Variants in LMTK2 observed in about 807,000 individuals in gnomAD.
LMTK2 encodes lemur tail kinase 2.
LMTK2 carries 37 observed loss-of-function variants against 127.5 expected under a neutral mutation model. The observed-to-expected ratio is 0.29, with a 90% CI of 0.22 to 0.38. LMTK2 has a LOEUF of 0.38. LMTK2 is among the 10% of genes least tolerant of loss of function. The pLI is 1.00. For synonymous variants in LMTK2, 819 were observed against 810.1 expected, an observed-to-expected ratio of 1.01 and a Z score of -0.19; for missense variants, 1,694 against 1,920.3, an observed-to-expected ratio of 0.88 and a Z score of 2.20.
intron 4 of LMTK2, 40 bp downstream of exon 4, chr7:98,151,495 A>T: frequency 1.4e-6 from 2 of 1,459,520 alleles, no homozygotes; most frequent in South Asian, 2.3e-5. Context: ...CCTCTGAATG[A>T]TACTGTGTTC....
In LMTK2 at chr7:98,193,373, T is replaced by G; in HGVS notation, c.2908T>G (p.Ser970Ala). Reference protein sequence around the residue: ...KEAGLVSALSSDSTSQDSLLE... With the variant: ...KEAGLVSALSADSTSQDSLLE... Reference sequence around the variant, plus strand: ...AGCAGGCTTGGTGTCTGCCCTCTCCTCGGACTCAACCAGTCAGGACAGCCT... The same window carrying G: ...AGCAGGCTTGGTGTCTGCCCTCTCCGCGGACTCAACCAGTCAGGACAGCCT... The change falls in exon 11 of 14, where the codon TCG becomes GCG. Residue 970 changes from serine (S) to alanine (A), a missense_variant. This residue lies in a region of LMTK2 where 527 missense variants were observed against 539.8 expected (regional missense o/e 0.98). Transcript: ENST00000297293. This position sits in a 1 kb window ranked among gnomAD's most constrained non-coding sequence, Gnocchi z 4.1. 1 of 1,614,130 alleles carries G rather than the reference T, an allele frequency of 6.2e-7. No individual in the cohort carries two copies. The highest frequency in any genetic ancestry group is 8.5e-7 in the Non-Finnish European group (1 of 1,180,014).
intron 9 of LMTK2, among the ~76,000 whole-genome samples, chr7:98,190,269 G>A (rs1383064579): frequency 6.6e-6 from 1 of 152,124 alleles, no homozygotes; most frequent in Non-Finnish European, 1.5e-5. Context: ...TTGTGCTGTT[G>A]ATTATTGGTT....
chr7:98,132,087 G>A (rs1488772054), intron 1 of LMTK2, among the ~76,000 whole-genome samples: 4 of 152,126 alleles, frequency 2.6e-5, no homozygotes, highest in Admixed American at 6.5e-5. Context: ...GGAGCAAACC[G>A]CTTTAGAGGC....
intron 1 of LMTK2, among the ~76,000 whole-genome samples, chr7:98,119,640 T>G: frequency 6.6e-6 from 1 of 152,222 alleles, no homozygotes; most frequent in East Asian, 1.9e-4. Context: ...GCTGGTACCG[T>G]GAGCTGAGAA....
At chr7:98,111,564 C>G (rs542966842) in intron 1 of LMTK2, among the ~76,000 whole-genome samples, 1 of 152,246 alleles carries the variant, frequency 6.6e-6, no homozygotes, top group East Asian at 1.9e-4. Context: ...GTTACTCGAC[C>G]TCTGGGCTTA....
rs749413105 is a variant in LMTK2 at position 98,192,667 on chromosome 7, C to G, written c.2202C>G (p.Gly734=). 37 of 1,610,414 alleles carry G rather than the reference C, an allele frequency of 2.3e-5. No individual in the cohort carries two copies. The highest frequency in any genetic ancestry group is 1.6e-4 in the Middle Eastern group (1 of 6,062). The change falls in exon 11 of 14, where the codon GGC becomes GGG. Residue 734 remains glycine, a synonymous_variant. Transcript: ENST00000297293. ...TTCAAGAGAAAAACTTACTAAAAGG[C>G]TCATTGTCCAGCAAAGAACACATAA... is the stretch of plus-strand genomic sequence containing the variant. ...LFLQEKNLLK[G]SLSSKEHIND... is the part of the protein sequence containing the mutation.
intron 3 of LMTK2, among the ~76,000 whole-genome samples, chr7:98,143,620 G>A (rs889416420): frequency 3.3e-5 from 5 of 152,204 alleles, no homozygotes; most frequent in Non-Finnish European, 7.3e-5. Flanking sequence ...AATGACACCA[G>A]GTAGTGATTG....
chr7:98,148,507 A>T (rs1205193819), intron 3 of LMTK2, among the ~76,000 whole-genome samples: 6 of 141,524 alleles, frequency 4.2e-5, no homozygotes, highest in South Asian at 4.4e-4. Flanking sequence ...AAAAAAAAAA[A>T]TAATAATAAT....
intron 3 of LMTK2, among the ~76,000 whole-genome samples, chr7:98,147,874 C>T (rs971192727): frequency 3.3e-5 from 5 of 152,084 alleles, no homozygotes; most frequent in African/African-American, 1.2e-4. Context: ...GTTCTTTGTC[C>T]ATCATTTCCT....
rs1797541442 is a variant in LMTK2 at position 98,192,322 on chromosome 7, A to C, written c.1857A>C (p.Pro619=). The C allele has an allele frequency of 6.4e-7, 1 of 1,558,914 alleles. No homozygotes were observed. The highest frequency in any genetic ancestry group is 8.6e-7 in the Non-Finnish European group (1 of 1,158,552). Residue 619 remains proline, a synonymous_variant, in exon 11 of 14, where the codon CCA becomes CCC. Transcript: ENST00000297293. ...CAGACCCCAAAGACTCTAGCTTACC[A>C]GGGGACTTACACGTGACCAGTGGCC... ...SSTDPKDSSL[P]GDLHVTSGPE... is the part of the protein sequence containing the mutation.
chr7:98,108,399 A>G (rs1796149257), intron 1 of LMTK2, among the ~76,000 whole-genome samples: 1 of 152,170 alleles, frequency 6.6e-6, no homozygotes, highest in African/African-American at 2.4e-5. Context: ...GTAAAGACAT[A>G]TTTTTCAAAC....
chr7:98,119,070 T>C (rs7808238), intron 1 of LMTK2, among the ~76,000 whole-genome samples: 144,677 of 148,172 alleles, frequency 0.98, 70,647 homozygotes, highest in East Asian at 1. Context: ...CCCGCCTGGG[T>C]GACAGAGTGA....
In LMTK2 at chr7:98,207,206, GAT is replaced by G. The variant is rs1396482768; in HGVS notation, c.*1717_*1718del. On this transcript the variant is annotated 3_prime_UTR_variant, in exon 14 of 14. Transcript: ENST00000297293. ...TTCACCCAACATATTTTCCGGTGCT[GAT>G]ATGTTTCCAGACTCCAGCGCAACCT... is the stretch of plus-strand genomic sequence containing the variant. 6.6e-6 allele frequency: 1 copy of G among 152,312 alleles called. No individual in the cohort carries two copies. The highest frequency in any genetic ancestry group is 1.9e-4 in the East Asian group (1 of 5,190). 9.4% of individuals were successfully genotyped at this position (152,312 alleles called of 1,614,324 possible).
At chr7:98,203,487 T>C (rs530323517) in intron 11 of LMTK2, 87 bp from the exon 12 acceptor site, 146 of 1,476,262 alleles carry the variant, frequency 9.9e-5, no homozygotes, top group Non-Finnish European at 1.3e-4. Context: ...TCGATGAGTC[T>C]GATGCGCCTG....
At chr7:98,148,975 G>A (rs546505770) in intron 3 of LMTK2, among the ~76,000 whole-genome samples, 97 of 152,294 alleles carry the variant, frequency 6.4e-4, no homozygotes, top group African/African-American at 2.1e-3. Context: ...CTCACTCCCC[G>A]GCTTTTCTGC....
Position 98,193,837 on chromosome 7 carries a change from C to T in LMTK2, c.3372C>T (p.Ser1124=). ...GGTCTGAGGAGGTCCCGGGAACCTC[C>T]CCATCCGCCTTGGTGTTGGTACAGG... ...EKRSEEVPGT[S]PSALVLVQEQ... Residue 1124 remains serine (S), a synonymous_variant, in exon 11 of 14, where the codon TCC becomes TCT. Transcript: ENST00000297293. This position sits in a 1 kb window ranked among gnomAD's most constrained non-coding sequence, Gnocchi z 4.1. The T allele has an allele frequency of 6.2e-7, 1 of 1,614,096 alleles. No homozygotes were observed. The highest frequency in any genetic ancestry group is 1.1e-5 in the South Asian group (1 of 91,076).
chr7:98,167,892 A>C (rs1797126389), intron 6 of LMTK2, among the ~76,000 whole-genome samples: 1 of 152,174 alleles, frequency 6.6e-6, no homozygotes, highest in Admixed American at 6.5e-5. Context: ...GGATAAGAAG[A>C]AACGCAGGAG....
intron 7 of LMTK2, among the ~76,000 whole-genome samples, chr7:98,180,211 T>A (rs937551960): frequency 1.3e-5 from 2 of 152,258 alleles, no homozygotes; most frequent in African/African-American, 4.8e-5. Flanking sequence ...ATCTCCATTA[T>A]CCTTGTATTT....
rs370664737 is a variant in LMTK2 at position 98,191,857 on chromosome 7, C to T, written c.1392C>T (p.Thr464=). 1.9e-5 allele frequency: 31 copies of T among 1,614,076 alleles called. No individual in the cohort carries two copies. The highest frequency in any genetic ancestry group is 2.3e-5 in the Non-Finnish European group (27 of 1,180,028). ...GTCGTGAAATGGAGGAAGTCCTCACCGTGACCGAAACCAGCCAGGGCCTGA... is the reference window on the plus strand; with the variant it reads ...GTCGTGAAATGGAGGAAGTCCTCACTGTGACCGAAACCAGCCAGGGCCTGA... ...RLGREMEEVL[T]VTETSQGLSF... is the part of the protein sequence containing the mutation. Residue 464 remains threonine (T), a synonymous_variant, in exon 11 of 14, where the codon ACC becomes ACT. Transcript: ENST00000297293.
Sources: gnomAD v4.1 joint callset for allele counts (sites outside exome capture counted in the v4.1 genomes callset) on GRCh38, gnomAD v4.1.1 for gene constraint, gnomAD v4.1.1 regional missense constraint, Gnocchi (gnomAD v3.1) non-coding constraint, MANE v1.5 for transcripts, NCBI Gene and HGNC (gene_info 2026-07-23, HGNC 2026-07-21) for gene names.